The following SHISA9 variants were observed in gnomAD, a reference collection of about 807,000 sequenced individuals.
SHISA9 encodes shisa family member 9.
In SHISA9, 13 loss-of-function variants were observed where a neutral mutation model predicts 38.0. The observed-to-expected ratio is 0.34, with a 90% confidence interval of 0.22 to 0.54. The LOEUF is 0.54. Among genes scored for constraint, SHISA9 ranks in the 20% least tolerant of loss-of-function variants. The pLI is 0.91. For missense variants in SHISA9, 538 were observed against 575.8 expected (o/e 0.93, Z 0.67); for synonymous variants, 275 against 242.0 (o/e 1.14, Z -1.27).
the SHISA9 span, among the ~76,000 whole-genome samples, chr16:13,365,100 A>G: frequency 6.6e-6 from 1 of 152,324 alleles, no homozygotes; most frequent in East Asian, 1.9e-4. Context: ...ACCTATACCT[A>G]TATTGTGTTC....
intron 2 of SHISA9, among the ~76,000 whole-genome samples, chr16:12,978,627 T>G (rs2072198176): frequency 1.3e-5 from 2 of 152,218 alleles, no homozygotes. Context: ...ATGTGATAAA[T>G]AGCCCCAAAG....
At chr16:13,215,956 G>A (rs887848382) in intron 4 of SHISA9, among the ~76,000 whole-genome samples, 1 of 152,136 alleles carries the variant, frequency 6.6e-6, no homozygotes. Context: ...GGAGGCTGAG[G>A]TGGGCAGATC....
intron 2 of SHISA9, among the ~76,000 whole-genome samples, chr16:12,998,855 G>C (rs373728800): frequency 5.9e-5 from 9 of 152,216 alleles, no homozygotes; most frequent in African/African-American, 2.2e-4. Flanking sequence ...AAGTACAGTT[G>C]ATCCTCATTA....
chr16:13,017,223 T>C (rs1041527825), intron 2 of SHISA9, among the ~76,000 whole-genome samples: 3 of 152,160 alleles, frequency 2.0e-5, no homozygotes, highest in African/African-American at 7.2e-5. Context: ...TTTCACCATG[T>C]TGGCCAGGCT....
chr16:13,166,121 T>G (rs916211870), intron 2 of SHISA9, among the ~76,000 whole-genome samples: 11 of 152,212 alleles, frequency 7.2e-5, no homozygotes, highest in African/African-American at 1.2e-4. Flanking sequence ...AATGTCTGTT[T>G]TATTAACTTC....
At chr16:12,946,497 G>A (rs142968554) in intron 2 of SHISA9, among the ~76,000 whole-genome samples, 2 of 152,308 alleles carry the variant, frequency 1.3e-5, no homozygotes, top group African/African-American at 4.8e-5. Flanking sequence ...AAGGAAGGAA[G>A]GTAGGGCAGG....
At chr16:13,097,692 C>T (rs2073841425) in intron 2 of SHISA9, among the ~76,000 whole-genome samples, 1 of 152,166 alleles carries the variant, frequency 6.6e-6, no homozygotes, top group South Asian at 2.1e-4. Context: ...GTGGGAGTCA[C>T]CATGCCTGGC....
At chr16:13,036,808 C>T (rs1277344417) in intron 2 of SHISA9, among the ~76,000 whole-genome samples, 2 of 151,108 alleles carry the variant, frequency 1.3e-5, no homozygotes, top group South Asian at 4.2e-4. Context: ...ACCCCCAGTA[C>T]TAAATGAGGT....
At chr16:13,148,934 C>T (rs1161260039) in intron 2 of SHISA9, among the ~76,000 whole-genome samples, 1 of 152,130 alleles carries the variant, frequency 6.6e-6, no homozygotes, top group Non-Finnish European at 1.5e-5. Context: ...CAAGCAGCTT[C>T]TGGGATTATG....
intron 2 of SHISA9, among the ~76,000 whole-genome samples, chr16:12,957,690 C>A (rs751261613): frequency 6.6e-6 from 1 of 152,116 alleles, no homozygotes; most frequent in Non-Finnish European, 1.5e-5. Context: ...TGACAGGCTT[C>A]TATAACAAAA....
At chr16:12,934,929 A>G (rs1012414845) in intron 2 of SHISA9, among the ~76,000 whole-genome samples, 2 of 152,202 alleles carry the variant, frequency 1.3e-5, no homozygotes, top group Non-Finnish European at 2.9e-5. Context: ...GGAACGTCTG[A>G]TGGTCCAAGT....
intron 2 of SHISA9, among the ~76,000 whole-genome samples, chr16:12,948,055 A>G (rs76792255): frequency 7.2e-5 from 11 of 152,330 alleles, no homozygotes; most frequent in African/African-American, 2.4e-4. Flanking sequence ...GTAAGAAAAG[A>G]CTGTGTACTA....
At chr16:13,188,716 CAAAAAAAAAA>C (rs35558481) in intron 2 of SHISA9, among the ~76,000 whole-genome samples, 71 of 79,344 alleles carry the variant, frequency 8.9e-4, no homozygotes, top group African/African-American at 3.5e-3. Flanking sequence ...GACCCTGTTT[CAAAAAAAAAA>C]AAAAAAAAAA....
intron 2 of SHISA9, among the ~76,000 whole-genome samples, chr16:13,047,830 A>C (rs1021967997): frequency 6.6e-6 from 1 of 152,212 alleles, no homozygotes; most frequent in Admixed American, 6.5e-5. Context: ...GCCATGTCTC[A>C]GACCTTACGT....
At chr16:13,026,144 T>A (rs1482811765) in intron 2 of SHISA9, among the ~76,000 whole-genome samples, 3 of 152,222 alleles carry the variant, frequency 2.0e-5, no homozygotes, top group African/African-American at 7.2e-5. Flanking sequence ...TTGTTAACTA[T>A]AGGGACAATG....
At chr16:13,297,845 C>G in the SHISA9 span, among the ~76,000 whole-genome samples, 1 of 152,190 alleles carries the variant, frequency 6.6e-6, no homozygotes, top group East Asian at 1.9e-4. Context: ...CAACCTCTAC[C>G]TCCGAGGTCC....
the SHISA9 span, among the ~76,000 whole-genome samples, chr16:13,515,752 G>C: frequency 6.6e-6 from 1 of 152,046 alleles, no homozygotes; most frequent in East Asian, 1.9e-4. Flanking sequence ...AGTTAATTAA[G>C]AAGAAAATAT....
chr16:13,214,414 GC>G (rs2051148789), intron 4 of SHISA9, among the ~76,000 whole-genome samples: 1 of 151,898 alleles, frequency 6.6e-6, no homozygotes, highest in African/African-American at 2.4e-5. Context: ...CACCGTGTTG[GC>G]CAGGCTGGTC....
At chr16:13,355,481 A>G in the SHISA9 span, among the ~76,000 whole-genome samples, 2 of 151,420 alleles carry the variant, frequency 1.3e-5, no homozygotes, top group African/African-American at 4.8e-5. Flanking sequence ...GCAATGAGAT[A>G]TAGCTGTAGC....
Sources: gnomAD v4.1 joint callset for allele counts (sites outside exome capture counted in the v4.1 genomes callset) on GRCh38, gnomAD v4.1.1 for gene constraint, MANE v1.5 for transcripts, NCBI Gene and HGNC (gene_info 2026-07-23, HGNC 2026-07-21) for gene names.